The following PRKCE variants were observed in gnomAD, a reference collection of about 807,000 sequenced individuals.
The protein encoded by PRKCE is protein kinase C epsilon type.
Under a neutral mutation model 85.4 loss-of-function variants are expected in PRKCE, and 16 were observed. The ratio of observed to expected loss-of-function variants is 0.19; its 90% CI spans 0.13 to 0.28. The LOEUF is 0.28. Among genes scored for constraint, PRKCE ranks in the 10% least tolerant of loss-of-function variants. PRKCE has a pLI of 1.00. For synonymous variants in PRKCE, 388 were observed against 371.5 expected (o/e 1.04, Z -0.51); for missense variants, 573 against 975.2 (o/e 0.59, Z 5.49).
chr2:46,120,971 C>T (rs1167398297), intron 11 of PRKCE, among the ~76,000 whole-genome samples: 1 of 152,214 alleles, frequency 6.6e-6, no homozygotes, highest in Admixed American at 6.5e-5. Flanking sequence ...TGGCACTTGA[C>T]CTACATGATC....
At chr2:46,049,837 A>T (rs895172323) in intron 10 of PRKCE, among the ~76,000 whole-genome samples, 1 of 152,162 alleles carries the variant, frequency 6.6e-6, no homozygotes, top group African/African-American at 2.4e-5. Flanking sequence ...AGTTGATTTC[A>T]TGTAATTTAC....
intron 10 of PRKCE, among the ~76,000 whole-genome samples, chr2:46,069,447 T>C (rs1667890595): frequency 6.6e-6 from 1 of 152,180 alleles, no homozygotes; most frequent in African/African-American, 2.4e-5. Flanking sequence ...CAATCAACAA[T>C]AAGAACAACT....
At chr2:45,870,708 G>C (rs796517037) in intron 2 of PRKCE, among the ~76,000 whole-genome samples, 2 of 152,198 alleles carry the variant, frequency 1.3e-5, no homozygotes, top group African/African-American at 4.8e-5. Flanking sequence ...TTCAAATCCA[G>C]TTTCTATCGG....
At chr2:45,723,990 T>G (rs1009361349) in intron 1 of PRKCE, among the ~76,000 whole-genome samples, 1 of 152,226 alleles carries the variant, frequency 6.6e-6, no homozygotes, top group African/African-American at 2.4e-5. Flanking sequence ...AGCTCTCATT[T>G]TGAGCAGCTA....
intron 10 of PRKCE, among the ~76,000 whole-genome samples, chr2:46,066,526 T>C (rs1284680957): frequency 1.3e-5 from 2 of 152,226 alleles, no homozygotes; most frequent in African/African-American, 2.4e-5. Context: ...TTAACAACTT[T>C]ATATTATCCA....
intron 10 of PRKCE, among the ~76,000 whole-genome samples, chr2:46,023,177 T>C (rs1706827021): frequency 1.3e-5 from 2 of 151,908 alleles, no homozygotes; most frequent in Admixed American, 1.3e-4. Context: ...CCTAGAATGA[T>C]GGCCTGTTCT....
At chr2:46,002,147 A>C (rs1704738812) in intron 7 of PRKCE, among the ~76,000 whole-genome samples, 1 of 152,248 alleles carries the variant, frequency 6.6e-6, no homozygotes, top group Non-Finnish European at 1.5e-5. Context: ...TTATTTTGGT[A>C]AGTCAGGGCC....
intron 9 of PRKCE, 132 bp downstream of exon 9, chr2:46,007,793 G>A: frequency 9.7e-7 from 1 of 1,026,356 alleles, no homozygotes; most frequent in Admixed American, 2.7e-5. Flanking sequence ...TTTTGTAAGT[G>A]CAAATGACCT....
At chr2:45,906,978 A>G (rs1029060170) in intron 2 of PRKCE, among the ~76,000 whole-genome samples, 5 of 152,184 alleles carry the variant, frequency 3.3e-5, no homozygotes, top group Admixed American at 6.5e-5. Context: ...AGAACACAGT[A>G]GGAGAGAAAT....
chr2:45,655,865 A>AG (rs1198715869), intron 1 of PRKCE, among the ~76,000 whole-genome samples: 1 of 151,466 alleles, frequency 6.6e-6, no homozygotes, highest in Non-Finnish European at 1.5e-5. Context: ...AAAAAAAAAA[A>AG]AAAAAAGGTA....
chr2:45,750,431 T>C (rs73926053), intron 1 of PRKCE, among the ~76,000 whole-genome samples: 8,205 of 152,236 alleles, frequency 0.054, 255 homozygotes, highest in Middle Eastern at 0.078. Flanking sequence ...AGTTCCTCCT[T>C]CCCATACCAA....
chr2:46,180,314 G>A (rs1259077593), intron 14 of PRKCE, among the ~76,000 whole-genome samples: 1 of 152,196 alleles, frequency 6.6e-6, no homozygotes, highest in African/African-American at 2.4e-5. Context: ...AGAGAAAGCA[G>A]GAGGAAGCCC....
At chr2:45,840,064 G>T (rs1192633559) in intron 1 of PRKCE, among the ~76,000 whole-genome samples, 3 of 152,144 alleles carry the variant, frequency 2.0e-5, no homozygotes, top group Admixed American at 2.0e-4. Context: ...CATGGTGCCT[G>T]CCTTTGGATA....
Position 46,001,572 on chromosome 2 carries a change from T to TG in PRKCE, c.966+28dup. ...GTAACTGGCTGTTTGGTGGTGTTGC[T>TG]GGAGCCCTTTTCAGGCTAGCATTTC... is the stretch of plus-strand genomic sequence containing the variant. On this transcript the variant is annotated intron_variant, in intron 7 of 14. Transcript: ENST00000306156. The surrounding 1 kb of genome is among the most constrained non-coding windows in gnomAD (Gnocchi z 4.4). 1 of 1,592,758 alleles carries TG rather than the reference T, an allele frequency of 6.3e-7. No homozygotes were observed. The highest frequency in any genetic ancestry group is 2.2e-5 in the East Asian group (1 of 44,592).
At chr2:46,060,166 T>C (rs1666965054) in intron 10 of PRKCE, among the ~76,000 whole-genome samples, 1 of 152,246 alleles carries the variant, frequency 6.6e-6, no homozygotes, top group Non-Finnish European at 1.5e-5. Context: ...TGCTTACTAG[T>C]TGGGAGAAGA....
chr2:45,865,285 C>G (rs1393150388), intron 2 of PRKCE, among the ~76,000 whole-genome samples: 1 of 152,090 alleles, frequency 6.6e-6, no homozygotes, highest in African/African-American at 2.4e-5. Context: ...ACATGAGGAA[C>G]TTGTGGCAAA....
At chr2:45,759,091 C>T (rs1684235245) in intron 1 of PRKCE, among the ~76,000 whole-genome samples, 1 of 152,146 alleles carries the variant, frequency 6.6e-6, no homozygotes, top group Non-Finnish European at 1.5e-5. Flanking sequence ...AGATGACTTT[C>T]CAAACTCTCC....
Position 46,155,521 on chromosome 2 carries a change from C to T in PRKCE, c.1921-4085C>T, listed in dbSNP as rs1292742390. The stretch of plus-strand genomic sequence containing the variant: ...AGGGAGGGGTATCCCCAGCCAGACC[C>T]ATCTTCCAGCCTCCAGGCCTGTGTT... On this transcript the variant is annotated intron_variant, in intron 13 of 14. Coordinates refer to ENST00000306156, the MANE Select transcript of PRKCE (RefSeq NM_005400.3). This position sits in a 1 kb window ranked among gnomAD's most constrained non-coding sequence, Gnocchi z 4.7. Among the ~76,000 whole-genome samples, 1 of 152,180 alleles carries T rather than the reference C, an allele frequency of 6.6e-6. No individual in the cohort carries two copies. Among genetic ancestry groups the T allele is most frequent in the Admixed American group, 6.5e-5 (1 of 15,274 alleles).
At chr2:45,903,327 G>A (rs535096241) in intron 2 of PRKCE, among the ~76,000 whole-genome samples, 14 of 152,280 alleles carry the variant, frequency 9.2e-5, no homozygotes, top group African/African-American at 3.4e-4. Context: ...TACTAATTTT[G>A]TGAATATTAT....
Sources: gnomAD v4.1 joint callset for allele counts (sites outside exome capture counted in the v4.1 genomes callset) on GRCh38, gnomAD v4.1.1 for gene constraint, Gnocchi (gnomAD v3.1) non-coding constraint, MANE v1.5 for transcripts, NCBI Gene and HGNC (gene_info 2026-07-23, HGNC 2026-07-21) for gene names.